The following GUCY1A1 variants were observed in gnomAD, a reference collection of about 807,000 sequenced individuals.
GUCY1A1 encodes the protein guanylate cyclase 1 soluble subunit alpha 1, also known as guanylate cyclase soluble subunit alpha-1.
In GUCY1A1, 48 loss-of-function variants were observed where a neutral mutation model predicts 64.5. That is an observed-to-expected ratio of 0.74 (90% CI 0.59 to 0.95). GUCY1A1 has a LOEUF of 0.95. Among genes scored for constraint, GUCY1A1 ranks in the 40% least tolerant of loss-of-function variants. The pLI is 0.00. For synonymous variants in GUCY1A1, 308 were observed against 303.4 expected, an observed-to-expected ratio of 1.02 and a Z score of -0.16; for missense variants, 804 against 825.3, an observed-to-expected ratio of 0.97 and a Z score of 0.32.
intron 7 of GUCY1A1, among the ~76,000 whole-genome samples, chr4:155,715,412 A>G (rs1157698497): frequency 2.0e-5 from 3 of 151,792 alleles, no homozygotes; most frequent in Non-Finnish European, 4.4e-5. Context: ...CTGTGTGTTC[A>G]TTTACCCATT....
rs549945016 is a variant in GUCY1A1 at position 155,675,439 on chromosome 4, T to C, written c.-113+8020T>C. ...CATGAGTTGTAAAGCAAGATATCCA[T>C]ATATTAGATTAGCACTATACATTTG... On this transcript the variant is annotated intron_variant, in intron 2 of 9. Coordinates refer to ENST00000506455, the MANE Select transcript of GUCY1A1 (RefSeq NM_001130682.3). Among the ~76,000 whole-genome samples the C allele has an allele frequency of 1.3e-4, 19 of 151,688 alleles. 3 individuals carry two copies. Among genetic ancestry groups the C allele is most frequent in the African/African-American group, 4.6e-4 (19 of 40,952 alleles).
At chr4:155,722,381 T>A (rs1734082902) in intron 9 of GUCY1A1, 189 bp downstream of exon 9, 1 of 1,402,460 alleles carries the variant, frequency 7.1e-7, no homozygotes, top group Non-Finnish European at 9.2e-7. Context: ...AAGAATGACT[T>A]GCCTGAGGTG....
chr4:155,711,299 T>C, intron 6 of GUCY1A1, 48 bp downstream of exon 6: 1 of 998,784 alleles, frequency 1.0e-6, no homozygotes, highest in Non-Finnish European at 1.5e-6. Flanking sequence ...ATTTCATATT[T>C]AAGAGCAAGA....
At chr4:155,676,868 C>T (rs4691048) in intron 2 of GUCY1A1, among the ~76,000 whole-genome samples, 77,058 of 150,842 alleles carry the variant, frequency 0.51, 21,234 homozygotes, top group East Asian at 0.83. Flanking sequence ...GTCTCTGCCT[C>T]GCTATTTCCT....
At chr4:155,689,770 G>A (rs1381270749) in intron 2 of GUCY1A1, among the ~76,000 whole-genome samples, 1 of 152,120 alleles carries the variant, frequency 6.6e-6, no homozygotes, top group Non-Finnish European at 1.5e-5. Context: ...GTTTTATCAA[G>A]GCGGTTGCCA....
intron 3 of GUCY1A1, among the ~76,000 whole-genome samples, chr4:155,698,570 G>A (rs1400151441): frequency 6.6e-6 from 1 of 152,056 alleles, no homozygotes; most frequent in Non-Finnish European, 1.5e-5. Context: ...CATTTTGTTT[G>A]GTAAATTTTG....
chr4:155,722,383 C>A, intron 9 of GUCY1A1, 191 bp downstream of exon 9: 2 of 1,399,164 alleles, frequency 1.4e-6, no homozygotes, highest in Non-Finnish European at 1.9e-6. Context: ...GAATGACTTG[C>A]CTGAGGTGTT....
At chr4:155,706,305 T>C (rs1290447295) in intron 4 of GUCY1A1, among the ~76,000 whole-genome samples, 1 of 152,164 alleles carries the variant, frequency 6.6e-6, no homozygotes, top group Non-Finnish European at 1.5e-5. Flanking sequence ...CCTCTGTGCT[T>C]TTTTAGTTTT....
chr4:155,726,976 T>C (rs1734775117), intron 9 of GUCY1A1, among the ~76,000 whole-genome samples: 1 of 151,880 alleles, frequency 6.6e-6, no homozygotes, highest in Admixed American at 6.6e-5. Context: ...GTCCAGTTTG[T>C]GGGGTAAACA....
chr4:155,723,269 T>G (rs1205543169), intron 9 of GUCY1A1, among the ~76,000 whole-genome samples: 1 of 152,156 alleles, frequency 6.6e-6, no homozygotes, highest in African/African-American at 2.4e-5. Context: ...TCGAGCACTT[T>G]TCAAAGATTG....
chr4:155,710,189 G>A (rs1266432113), intron 5 of GUCY1A1, among the ~76,000 whole-genome samples: 3 of 152,146 alleles, frequency 2.0e-5, no homozygotes, highest in Non-Finnish European at 4.4e-5. Context: ...AGGATGGATT[G>A]CTTTTGTTGT....
chr4:155,692,569 T>G (rs1175950607), intron 2 of GUCY1A1, among the ~76,000 whole-genome samples: 1 of 152,252 alleles, frequency 6.6e-6, no homozygotes, highest in African/African-American at 2.4e-5. Context: ...TGAGCTTCTT[T>G]TCACATGACT....
At chr4:155,678,100 C>T (rs555265579) in intron 2 of GUCY1A1, among the ~76,000 whole-genome samples, 2 of 152,066 alleles carry the variant, frequency 1.3e-5, no homozygotes, top group East Asian at 3.9e-4. Context: ...GAACAAACTG[C>T]GTTAATCTCC....
chr4:155,719,473 G>A (rs1733685326), intron 8 of GUCY1A1, among the ~76,000 whole-genome samples: 1 of 152,140 alleles, frequency 6.6e-6, no homozygotes, highest in Non-Finnish European at 1.5e-5. Flanking sequence ...TCTCCTATGT[G>A]TCAGTATTTG....
intron 2 of GUCY1A1, among the ~76,000 whole-genome samples, chr4:155,696,325 G>C (rs1331428864): frequency 6.6e-6 from 1 of 151,872 alleles, no homozygotes; most frequent in Non-Finnish European, 1.5e-5. Flanking sequence ...GGAAGCCATT[G>C]GTTTTTACTG....
rs200452406 is a variant in GUCY1A1 at position 155,697,142 on chromosome 4, A to T, written c.255+20A>T. On this transcript the variant is annotated intron_variant, in intron 3 of 9. Coordinates refer to ENST00000506455, the MANE Select transcript of GUCY1A1 (RefSeq NM_001130682.3). ...CCAGAGGTGAGTGCGTGCTCTTTAG[A>T]TTTTGAAATTGTAATACTTTGAAAT... 757 of 1,584,970 alleles carry T rather than the reference A, an allele frequency of 4.8e-4. 5 individuals carry two copies. Among genetic ancestry groups the T allele is most frequent in the African/African-American group, 6.1e-4 (45 of 74,040 alleles).
At chr4:155,669,796 A>T (rs1435501139) in intron 2 of GUCY1A1, among the ~76,000 whole-genome samples, 1 of 152,124 alleles carries the variant, frequency 6.6e-6, no homozygotes, top group Non-Finnish European at 1.5e-5. Flanking sequence ...ATAACTTTGA[A>T]TTTTTTCAGA....
intron 2 of GUCY1A1, among the ~76,000 whole-genome samples, chr4:155,673,868 AT>A (rs1414946221): frequency 6.6e-6 from 1 of 151,394 alleles, no homozygotes; most frequent in Non-Finnish European, 1.5e-5. Context: ...CCAAGCCTAA[AT>A]TGCATGCCTT....
At chr4:155,667,221 G>GT (rs1053325439) in intron 1 of GUCY1A1, 125 bp from the exon 2 acceptor site, 4 of 152,174 alleles carry the variant, frequency 2.6e-5, no homozygotes, top group South Asian at 4.2e-4. Context: ...CGACCCAAGC[G>GT]TAAGTGCCGC....
Sources: allele counts gnomAD v4.1 joint callset (sites outside exome capture counted in the v4.1 genomes callset), GRCh38; gene constraint gnomAD v4.1.1; transcripts MANE v1.5; gene names NCBI Gene and HGNC (gene_info 2026-07-23, HGNC 2026-07-21).